Variants in TRERF1 observed in about 807,000 individuals in gnomAD.
TRERF1 encodes the protein transcriptional-regulating factor 1.
In TRERF1, 27 loss-of-function variants were observed where a neutral mutation model predicts 122.9. The ratio of observed to expected loss-of-function variants is 0.22; its 90% CI spans 0.16 to 0.30. The LOEUF (loss-of-function observed/expected upper bound fraction) is 0.30, where lower values mean the gene tolerates loss of function less well. Among genes scored for constraint, TRERF1 ranks in the 10% least tolerant of loss-of-function variants. The probability of loss-of-function intolerance (pLI) is 1.00; values close to 1 mark genes in which losing one functional copy is unlikely to be tolerated. For missense variants in TRERF1, 1,248 were observed against 1,560.3 expected (o/e 0.80, Z 3.37); for synonymous variants, 636 against 641.7 (o/e 0.99, Z 0.13).
intron 2 of TRERF1, among the ~76,000 whole-genome samples, chr6:42,435,381 C>T (rs1486877711): frequency 6.6e-6 from 1 of 151,980 alleles, no homozygotes; most frequent in Non-Finnish European, 1.5e-5. Context: ...CCGAGTGCAT[C>T]TACTCAAAAA....
chr6:42,283,710 G>A (rs188028346), intron 4 of TRERF1, among the ~76,000 whole-genome samples: 3 of 143,704 alleles, frequency 2.1e-5, no homozygotes, highest in Admixed American at 7.5e-5. Context: ...TCCACCTCCC[G>A]GGTTCAAGTG....
intron 3 of TRERF1, among the ~76,000 whole-genome samples, chr6:42,319,258 G>T (rs1390669227): frequency 3.3e-5 from 5 of 152,178 alleles, no homozygotes; most frequent in Non-Finnish European, 2.9e-5. Context: ...CAAAATGTAA[G>T]ATTTTTCAGC....
intron 4 of TRERF1, among the ~76,000 whole-genome samples, chr6:42,288,953 C>CTG (rs3074800): frequency 0.13 from 18,884 of 144,286 alleles, 1,203 homozygotes; most frequent in Non-Finnish European, 0.15. Flanking sequence ...ATCTTGAACT[C>CTG]TGTGTGTGTG....
intron 2 of TRERF1, among the ~76,000 whole-genome samples, chr6:42,419,378 T>C (rs1562175572): frequency 6.6e-6 from 1 of 151,504 alleles, no homozygotes; most frequent in African/African-American, 2.4e-5. Context: ...CATGGCTCGA[T>C]TCTGAAATCA....
chr6:42,327,973 T>A (rs980786718), intron 3 of TRERF1, among the ~76,000 whole-genome samples: 1 of 151,406 alleles, frequency 6.6e-6, no homozygotes, highest in African/African-American at 2.4e-5. Flanking sequence ...CATGCCCCAA[T>A]TACTATCCCT....
At chr6:42,301,269 G>A (rs972296997) in intron 3 of TRERF1, among the ~76,000 whole-genome samples, 1 of 152,090 alleles carries the variant, frequency 6.6e-6, no homozygotes, top group African/African-American at 2.4e-5. Context: ...TCACTCTGTT[G>A]CCCAGGCTGG....
chr6:42,260,233 TC>T (rs1346839307), intron 8 of TRERF1, among the ~76,000 whole-genome samples: 1 of 151,968 alleles, frequency 6.6e-6, no homozygotes, highest in Admixed American at 6.5e-5. Context: ...CACCGGGCTC[TC>T]CTGGGTCACT....
At chr6:42,377,653 G>A (rs1235135186) in intron 2 of TRERF1, among the ~76,000 whole-genome samples, 1 of 152,200 alleles carries the variant, frequency 6.6e-6, no homozygotes, top group African/African-American at 2.4e-5. Flanking sequence ...ATCCTTCTCT[G>A]CCCCTTCTAC....
chr6:42,314,252 A>T (rs1410790019), intron 3 of TRERF1, among the ~76,000 whole-genome samples: 4 of 152,260 alleles, frequency 2.6e-5, no homozygotes, highest in Admixed American at 2.6e-4. Flanking sequence ...AGTAAAAAGA[A>T]CTATTAGCAA....
intron 2 of TRERF1, among the ~76,000 whole-genome samples, chr6:42,435,480 G>C (rs1022948843): frequency 6.6e-6 from 1 of 151,980 alleles, no homozygotes; most frequent in Non-Finnish European, 1.5e-5. Context: ...GAGCCTAGGA[G>C]GTCAAAGCTA....
chr6:42,370,730 C>T (rs1248798987), intron 2 of TRERF1, among the ~76,000 whole-genome samples: 1 of 152,182 alleles, frequency 6.6e-6, no homozygotes, highest in Non-Finnish European at 1.5e-5. Context: ...TGGCATTGAC[C>T]CCAAGTCAAC....
rs753534710 is a variant in TRERF1 at position 42,263,270 on chromosome 6, C to G, written c.1884+50G>C. The stretch of plus-strand genomic sequence containing the variant: ...AGAGCAGCAACTCACAGCAGGCGTG[C>G]GGGGGGCAGCCCCTTGGGGTGAGTG... On this transcript the variant is annotated intron_variant, in intron 8 of 17. Transcript: ENST00000372922. The surrounding 1 kb of genome is among the most constrained non-coding windows in gnomAD (Gnocchi z 5.6). 1 of 1,552,272 alleles carries G rather than the reference C, an allele frequency of 6.4e-7. No homozygotes were observed. The highest frequency in any genetic ancestry group is 8.7e-7 in the Non-Finnish European group (1 of 1,143,836).
chr6:42,271,177 C>T (rs753058145), intron 4 of TRERF1, among the ~76,000 whole-genome samples: 1 of 143,770 alleles, frequency 7.0e-6, no homozygotes, highest in Non-Finnish European at 1.5e-5. Context: ...AAGAGCAAAA[C>T]TCCATCTAAA....
chr6:42,326,214 C>T (rs904807976), intron 3 of TRERF1, among the ~76,000 whole-genome samples: 1 of 151,502 alleles, frequency 6.6e-6, no homozygotes, highest in Non-Finnish European at 1.5e-5. Flanking sequence ...GGCCAGGTGA[C>T]TGGCTTGCCA....
chr6:42,347,230 C>T (rs1039692452), intron 3 of TRERF1, among the ~76,000 whole-genome samples: 2 of 152,222 alleles, frequency 1.3e-5, no homozygotes, highest in Non-Finnish European at 2.9e-5. Context: ...CTTCTTAGAG[C>T]TTCAGTTCCC....
intron 3 of TRERF1, among the ~76,000 whole-genome samples, chr6:42,302,397 G>A (rs910207230): frequency 1.3e-5 from 2 of 152,166 alleles, no homozygotes; most frequent in Non-Finnish European, 2.9e-5. Flanking sequence ...TAAATTCGCT[G>A]CTTTTAAGTA....
At chr6:42,314,716 G>C (rs1436367906) in intron 3 of TRERF1, among the ~76,000 whole-genome samples, 1 of 152,156 alleles carries the variant, frequency 6.6e-6, no homozygotes, top group Non-Finnish European at 1.5e-5. Context: ...AATGCCTGAA[G>C]GAATAAGAAC....
intron 13 of TRERF1, among the ~76,000 whole-genome samples, chr6:42,252,074 A>G (rs575089772): frequency 6.6e-6 from 1 of 152,304 alleles, no homozygotes; most frequent in South Asian, 2.1e-4. Context: ...TGAGAGCAAC[A>G]GAGGGCTGGA....
rs1491517636 is a variant in TRERF1, at chr6:42,360,770, T to TA, written c.-371+2226_-371+2227insT. Among the ~76,000 whole-genome samples the TA allele has an allele frequency of 2.2e-3, 139 of 64,088 alleles. 17 individuals are homozygous for TA. The highest frequency in any genetic ancestry group is 5.6e-3 in the African/African-American group (121 of 21,622). 42.0% of individuals were successfully genotyped at this position (64,088 alleles called of 152,430 possible). A position where few individuals can be genotyped will look rare whatever the true frequency, so the allele number is the denominator to read the frequency against. On this transcript the variant is annotated intron_variant, in intron 3 of 17. Transcript: ENST00000372922. ...ACCCAGGGAGGAAGGAGTGGAGAGATTAAAAAAAAAAAAAAAAAAAAAAAA... is the reference window on the plus strand; with the variant it reads ...ACCCAGGGAGGAAGGAGTGGAGAGATATAAAAAAAAAAAAAAAAAAAAAAAA...
Sources: gnomAD v4.1 joint callset for allele counts (sites outside exome capture counted in the v4.1 genomes callset) on GRCh38, gnomAD v4.1.1 for gene constraint, Gnocchi (gnomAD v3.1) non-coding constraint, MANE v1.5 for transcripts, NCBI Gene and HGNC (gene_info 2026-07-23, HGNC 2026-07-21) for gene names.